The following CEP162 variants were observed in gnomAD, a reference collection of about 807,000 sequenced individuals.
The protein encoded by CEP162 is centrosomal protein of 162 kDa.
Under a neutral mutation model 169.2 loss-of-function variants are expected in CEP162, and 141 were observed. The observed-to-expected ratio is 0.83, with a 90% confidence interval of 0.73 to 0.96. The LOEUF is 0.96. CEP162 is among the 40% of genes least tolerant of loss of function. The probability of loss-of-function intolerance (pLI) is 0.00; values close to 1 mark genes in which losing one functional copy is unlikely to be tolerated. For missense variants in CEP162, 1,600 were observed against 1,587.2 expected (o/e 1.01, Z -0.14); for synonymous variants, 540 against 526.4 (o/e 1.03, Z -0.35).
chr6:84,178,760 T>A (rs1161679637), intron 13 of CEP162, among the ~76,000 whole-genome samples: 1 of 152,156 alleles, frequency 6.6e-6, no homozygotes, highest in African/African-American at 2.4e-5. Context: ...GCTGCACCCA[T>A]TAACTCATCA....
intron 18 of CEP162, 55 bp from the exon 19 acceptor site, chr6:84,163,325 G>A: frequency 1.5e-6 from 2 of 1,314,228 alleles, no homozygotes; most frequent in Non-Finnish European, 2.1e-6. Flanking sequence ...AATAAATTGT[G>A]GTATAGTCTT....
chr6:84,133,013 G>GA (rs2099512266), intron 25 of CEP162, among the ~76,000 whole-genome samples: 1 of 152,110 alleles, frequency 6.6e-6, no homozygotes, highest in Non-Finnish European at 1.5e-5. Context: ...GGTCTTTGAT[G>GA]ATGGTGACCT....
chr6:84,180,429 T>C (rs560446116), intron 13 of CEP162, among the ~76,000 whole-genome samples: 2,097 of 152,158 alleles, frequency 0.014, 45 homozygotes, highest in African/African-American at 0.048. Flanking sequence ...CTTTGAAAAC[T>C]GGCACAAGAC....
At position 84,126,464 on chromosome 6, in the gene CEP162, G is replaced by A. The variant is rs778531186; in HGVS notation, c.3919C>T (p.Pro1307Ser). The A allele has an allele frequency of 2.5e-6, 4 of 1,576,824 alleles. No homozygotes were observed. In the African/African-American group the frequency reaches 4.0e-5, roughly 16 times the overall value. Reference protein sequence around the residue: ...ELREAKENHTPEMKHFVGLEK... With the variant: ...ELREAKENHTSEMKHFVGLEK... ...AAGCCCACGAAATGTTTCATCTCTG[G>A]TGTATGGTTTTCTTTGGCTTCTCTC... The change falls in exon 26 of 27, where the codon CCA (proline) becomes TCA (serine). Residue 1307 changes from proline to serine, a missense_variant. By Grantham distance (74) the Pro-to-Ser change is moderately conservative (BLOSUM62 -1). Coordinates refer to ENST00000403245, the MANE Select transcript of CEP162 (RefSeq NM_014895.4).
At chr6:84,212,155 CACT>C (rs559589953) in intron 6 of CEP162, among the ~76,000 whole-genome samples, 14 of 152,164 alleles carry the variant, frequency 9.2e-5, no homozygotes, top group Non-Finnish European at 1.8e-4. Flanking sequence ...CAGTAACCTG[CACT>C]ACAAGAAATG....
In CEP162 at chr6:84,142,530, TC is replaced by T. The variant is rs533499832; in HGVS notation, c.3870+4156del. Among the ~76,000 whole-genome samples the T allele has an allele frequency of 1.8e-3, 267 of 152,236 alleles. 1 individual carries two copies. The highest frequency in any genetic ancestry group is 5.6e-3 in the African/African-American group (234 of 41,580). On this transcript the variant is annotated intron_variant, in intron 25 of 26. Coordinates refer to ENST00000403245, the MANE Select transcript of CEP162 (RefSeq NM_014895.4). ...AGAAGCACTTACACAAATTAAGAAT[TC>T]CAAAAACTCTCAGAAGTATAGAAAC...
At chr6:84,190,144 T>C (rs1358906180) in intron 11 of CEP162, among the ~76,000 whole-genome samples, 1 of 152,052 alleles carries the variant, frequency 6.6e-6, no homozygotes, top group Non-Finnish European at 1.5e-5. Flanking sequence ...GCACCCTGTG[T>C]TTAGCTCAAG....
intron 3 of CEP162, among the ~76,000 whole-genome samples, chr6:84,217,497 A>T (rs1359722476): frequency 6.6e-6 from 1 of 152,202 alleles, no homozygotes; most frequent in Non-Finnish European, 1.5e-5. Flanking sequence ...GAAAATGCCC[A>T]GGCATGTGTG....
chr6:84,171,711 T>C lies in CEP162; in HGVS notation c.2174A>G (p.Glu725Gly). Residue 725 changes from glutamate (E) to glycine (G), a missense_variant, in exon 17 of 27, where the codon GAA becomes GGA. Transcript: ENST00000403245. Reference sequence around the variant, plus strand: ...ATCTTTTACTTGATTATATAATCGTTCATTTTCCTTTTTAAAAACAGAAAA... The same window carrying C: ...ATCTTTTACTTGATTATATAATCGTCCATTTTCCTTTTTAAAAACAGAAAA... ...TLLQGYQQEN[E>G]RLYNQVKDLQ... 7.0e-7 allele frequency: 1 copy of C among 1,427,046 alleles called. No individual in the cohort carries two copies. The highest frequency in any genetic ancestry group is 9.4e-7 in the Non-Finnish European group (1 of 1,064,610). 88.4% of individuals were successfully genotyped at this position (1,427,046 alleles called of 1,614,324 possible).
intron 11 of CEP162, among the ~76,000 whole-genome samples, chr6:84,190,693 T>A (rs1370787074): frequency 6.6e-6 from 1 of 151,478 alleles, no homozygotes; most frequent in African/African-American, 2.4e-5. Context: ...TCCGAACACA[T>A]CTGAACATCA....
At chr6:84,126,605 A>G (rs2099509027) in intron 25 of CEP162, 93 bp from the exon 26 acceptor site, 4 of 949,744 alleles carry the variant, frequency 4.2e-6, no homozygotes, top group Non-Finnish European at 6.0e-6. Flanking sequence ...AAATTTCTCT[A>G]TATAAGTAAG....
At position 84,166,817 on chromosome 6, in the gene CEP162, T is replaced by C. The variant is rs9449822; in HGVS notation, c.2385+2511A>G. Among the ~76,000 whole-genome samples the C allele has an allele frequency of 3.7e-3, 571 of 152,300 alleles. 5 individuals are homozygous for C. The highest frequency in any genetic ancestry group is 0.013 in the African/African-American group (553 of 41,560). On this transcript the variant is annotated intron_variant, in intron 18 of 26. Coordinates refer to ENST00000403245, the MANE Select transcript of CEP162 (RefSeq NM_014895.4). ...GTAGACTATACATAAATCATAAATA[T>C]ACTTGACATGATTATTTTGTTGATT... is the stretch of plus-strand genomic sequence containing the variant.
At chr6:84,156,618 G>A (rs1280547741) in intron 21 of CEP162, among the ~76,000 whole-genome samples, 1 of 152,112 alleles carries the variant, frequency 6.6e-6, no homozygotes, top group Non-Finnish European at 1.5e-5. Context: ...CACTGTTGGT[G>A]GGAGTATAAA....
chr6:84,218,192 G>A (rs1241034103), intron 3 of CEP162, among the ~76,000 whole-genome samples: 1 of 152,220 alleles, frequency 6.6e-6, no homozygotes, highest in African/African-American at 2.4e-5. Flanking sequence ...AAATAATTAG[G>A]TGAACTAGGC....
chr6:84,146,584 G>A (rs900154425), intron 25 of CEP162, 103 bp downstream of exon 25: 1 of 552,180 alleles, frequency 1.8e-6, no homozygotes, highest in African/African-American at 1.9e-5. Flanking sequence ...ATACTTTCAG[G>A]TTATATCTAT....
chr6:84,177,501 C>A (rs1372339065), intron 13 of CEP162, among the ~76,000 whole-genome samples: 1 of 152,136 alleles, frequency 6.6e-6, no homozygotes, highest in Non-Finnish European at 1.5e-5. Flanking sequence ...TCCTGCCTCC[C>A]ACCCAGAGGT....
At chr6:84,135,634 G>T (rs1485136702) in intron 25 of CEP162, among the ~76,000 whole-genome samples, 1 of 152,126 alleles carries the variant, frequency 6.6e-6, no homozygotes, top group Non-Finnish European at 1.5e-5. Context: ...AGGCTGAGAC[G>T]GGTGAATCAC....
intron 25 of CEP162, among the ~76,000 whole-genome samples, chr6:84,131,159 G>A (rs1323239006): frequency 6.6e-6 from 1 of 152,184 alleles, no homozygotes; most frequent in Non-Finnish European, 1.5e-5. Context: ...ATGTAGTTGT[G>A]CAGTTTTGAG....
intron 3 of CEP162, among the ~76,000 whole-genome samples, chr6:84,216,326 A>G (rs547883648): frequency 1.3e-5 from 2 of 152,200 alleles, no homozygotes; most frequent in East Asian, 1.9e-4. Context: ...ATGAATTACT[A>G]TAACAAAATA....
Sources: allele counts gnomAD v4.1 joint callset (sites outside exome capture counted in the v4.1 genomes callset), GRCh38; gene constraint gnomAD v4.1.1; transcripts MANE v1.5; gene names NCBI Gene and HGNC (gene_info 2026-07-23, HGNC 2026-07-21).